Variants in STMN2 observed in about 807,000 individuals in gnomAD.
STMN2 encodes the protein stathmin-2.
A neutral mutation model predicts 24.1 loss-of-function variants in STMN2; 2 were observed. The observed-to-expected ratio is 0.08, with a 90% CI of 0.03 to 0.26. The LOEUF is 0.26. STMN2 is among the 10% of genes least tolerant of loss of function. The probability of loss-of-function intolerance (pLI) is 1.00; values close to 1 mark genes in which losing one functional copy is unlikely to be tolerated. For missense variants in STMN2, 114 were observed against 213.6 expected (o/e 0.53, Z 2.91); for synonymous variants, 83 against 77.5 (o/e 1.07, Z -0.37).
chr8:79,613,357 C>A (rs1809293906), intron 1 of STMN2: 1 of 983,534 alleles, frequency 1.0e-6, no homozygotes, highest in Non-Finnish European at 1.2e-6. Flanking sequence ...CCTGCAGAGC[C>A]CCGCGCCGCG....
intron 1 of STMN2, among the ~76,000 whole-genome samples, chr8:79,630,206 C>T (rs1277384445): frequency 6.6e-6 from 1 of 152,142 alleles, no homozygotes; most frequent in African/African-American, 2.4e-5. Flanking sequence ...AGTCTCCAAA[C>T]TTCTGGTTAA....
intron 4 of STMN2, among the ~76,000 whole-genome samples, chr8:79,659,352 G>A (rs1374927644): frequency 5.3e-5 from 8 of 152,140 alleles, no homozygotes; most frequent in African/African-American, 1.9e-4. Context: ...GAAGTAGAAA[G>A]AGAGAGAAAC....
At chr8:79,658,755 C>T (rs891357736) in intron 4 of STMN2, among the ~76,000 whole-genome samples, 26 of 152,198 alleles carry the variant, frequency 1.7e-4, no homozygotes, top group Non-Finnish European at 3.5e-4. Context: ...CACCATGATG[C>T]CCATAATGGT....
chr8:79,649,829 T>C (rs944010646), intron 3 of STMN2, among the ~76,000 whole-genome samples: 4 of 152,246 alleles, frequency 2.6e-5, no homozygotes, highest in Non-Finnish European at 5.9e-5. Context: ...ATTTGTATAG[T>C]AATTAAACTC....
chr8:79,643,476 C>T (rs1810155088), intron 3 of STMN2, among the ~76,000 whole-genome samples: 1 of 151,956 alleles, frequency 6.6e-6, no homozygotes, highest in Admixed American at 6.6e-5. Context: ...CATAGGTCGA[C>T]ATATATTGAG....
intron 3 of STMN2, 76 bp downstream of exon 3, chr8:79,641,626 A>G: frequency 1.7e-6 from 1 of 580,462 alleles, no homozygotes; most frequent in East Asian, 4.1e-5. Flanking sequence ...GCACACATGC[A>G]CGCACACACA....
At chr8:79,613,556 C>CTG (rs1809303857) in intron 1 of STMN2, 2 of 985,492 alleles carry the variant, frequency 2.0e-6, no homozygotes, top group South Asian at 9.4e-5. Context: ...AGAAAGGTTT[C>CTG]CGCTGCAGGC....
intron 3 of STMN2, among the ~76,000 whole-genome samples, chr8:79,652,196 A>G (rs1251084339): frequency 1.3e-5 from 2 of 152,200 alleles, no homozygotes; most frequent in East Asian, 1.9e-4. Flanking sequence ...CTCCTGGAGC[A>G]TCCTCCATGG....
intron 1 of STMN2, among the ~76,000 whole-genome samples, chr8:79,620,319 G>T (rs978717865): frequency 6.6e-6 from 1 of 151,382 alleles, no homozygotes; most frequent in Non-Finnish European, 1.5e-5. Context: ...GCAAAATAAG[G>T]TTTAGCACTC....
intron 1 of STMN2, among the ~76,000 whole-genome samples, chr8:79,612,000 G>C (rs1459221742): frequency 2.0e-5 from 3 of 152,090 alleles, no homozygotes; most frequent in Non-Finnish European, 4.4e-5. Context: ...CAGCGGTCCC[G>C]GGGGGAGGCA....
chr8:79,613,275 G>A (rs1038519393), intron 1 of STMN2, among the ~76,000 whole-genome samples: 166 of 152,254 alleles, frequency 1.1e-3, no homozygotes, highest in African/African-American at 3.3e-3. Flanking sequence ...CCTCCCAGCT[G>A]AGGCCCAGAG....
chr8:79,621,196 A>G (rs1276622190), intron 1 of STMN2, among the ~76,000 whole-genome samples: 1 of 152,160 alleles, frequency 6.6e-6, no homozygotes, highest in Non-Finnish European at 1.5e-5. Flanking sequence ...TGTTCCTCTA[A>G]TTCAGCATCT....
chr8:79,635,856 C>G (rs950671519), intron 1 of STMN2, among the ~76,000 whole-genome samples: 6 of 151,838 alleles, frequency 4.0e-5, no homozygotes, highest in African/African-American at 1.5e-4. Context: ...ATTTAATATT[C>G]CCATGTAAAA....
intron 1 of STMN2, among the ~76,000 whole-genome samples, chr8:79,635,773 G>A (rs1422366185): frequency 6.6e-6 from 1 of 152,022 alleles, no homozygotes; most frequent in Non-Finnish European, 1.5e-5. Flanking sequence ...AAGGAGAGAG[G>A]TTTGTAAAAC....
chr8:79,658,372 A>G (rs896788728), intron 4 of STMN2, among the ~76,000 whole-genome samples: 2 of 152,332 alleles, frequency 1.3e-5, no homozygotes, highest in African/African-American at 4.8e-5. Context: ...TAATCATTCA[A>G]TGAATATGTA....
At chr8:79,613,447 G>A in intron 1 of STMN2, 5 of 985,486 alleles carry the variant, frequency 5.1e-6, no homozygotes, top group Non-Finnish European at 6.0e-6. Flanking sequence ...AGTGTCCTGA[G>A]CTACCCCCGC....
intron 1 of STMN2, among the ~76,000 whole-genome samples, chr8:79,627,768 C>T (rs891616375): frequency 3.3e-5 from 5 of 152,152 alleles, no homozygotes; most frequent in Admixed American, 2.0e-4. Flanking sequence ...ACCAATATCT[C>T]TCCATTCTCC....
intron 1 of STMN2, among the ~76,000 whole-genome samples, chr8:79,636,120 G>A (rs923577637): frequency 6.6e-6 from 1 of 152,136 alleles, no homozygotes; most frequent in Non-Finnish European, 1.5e-5. Flanking sequence ...GGGAGGCTGA[G>A]GGGGGAACAT....
chr8:79,620,743 A>C (rs1213555536), intron 1 of STMN2, among the ~76,000 whole-genome samples: 1 of 152,168 alleles, frequency 6.6e-6, no homozygotes, highest in Non-Finnish European at 1.5e-5. Context: ...TTAAATATTT[A>C]ATGAGTCCAT....
Sources: gnomAD v4.1 joint callset for allele counts (sites outside exome capture counted in the v4.1 genomes callset) on GRCh38, gnomAD v4.1.1 for gene constraint, MANE v1.5 for transcripts, NCBI Gene and HGNC (gene_info 2026-07-23, HGNC 2026-07-21) for gene names.